DACH1: variants seen among roughly 807,000 people sequenced by gnomAD.
DACH1 encodes the protein dachshund family transcription factor 1.
A neutral mutation model predicts 54.2 loss-of-function variants in DACH1; 12 were observed. The observed-to-expected ratio is 0.22, with a 90% confidence interval of 0.14 to 0.36. The LOEUF (loss-of-function observed/expected upper bound fraction) is 0.36, where lower values mean the gene tolerates loss of function less well. Among genes scored for constraint, DACH1 ranks in the 10% least tolerant of loss-of-function variants. The probability of loss-of-function intolerance (pLI) is 1.00; values close to 1 mark genes in which losing one functional copy is unlikely to be tolerated. For missense variants in DACH1, 805 were observed against 929.8 expected, an observed-to-expected ratio of 0.87 and a Z score of 1.75; for synonymous variants, 386 against 366.2, an observed-to-expected ratio of 1.05 and a Z score of -0.62.
chr13:71,727,715 C>A (rs941036029), intron 1 of DACH1, among the ~76,000 whole-genome samples: 1 of 152,036 alleles, frequency 6.6e-6, no homozygotes, highest in Non-Finnish European at 1.5e-5. Flanking sequence ...AGACTGTTAG[C>A]ATTTCAGAAG....
Position 71,581,449 on chromosome 13 carries a change from C to T in DACH1, c.1127-8437G>A, listed in dbSNP as rs148497167. 7.1e-3 allele frequency among the ~76,000 whole-genome samples: 1,087 copies of T among 152,096 alleles called. 10 individuals are homozygous for T. The highest frequency in any genetic ancestry group is 0.02 in the African/African-American group (830 of 41,506). ...GCTAATTTTTGCATTTTAGTAGAGA[C>T]GGGCTTTCACAATGCCAGGCTGGTC... On this transcript the variant is annotated intron_variant, in intron 3 of 10. Coordinates refer to ENST00000613252, the MANE Select transcript of DACH1 (RefSeq NM_080759.6).
At chr13:71,491,915 A>G (rs1348925016) in intron 6 of DACH1, among the ~76,000 whole-genome samples, 1 of 152,208 alleles carries the variant, frequency 6.6e-6, no homozygotes, top group East Asian at 1.9e-4. Flanking sequence ...TTGACATCAC[A>G]TAATCTCCAC....
intron 1 of DACH1, among the ~76,000 whole-genome samples, chr13:71,683,406 G>GA (rs1227395832): frequency 1.3e-5 from 2 of 151,978 alleles, no homozygotes; most frequent in East Asian, 3.9e-4. Context: ...AAGAATAAAA[G>GA]AAAATTACAC....
chr13:71,864,180 T>TACACACACAC lies in DACH1; in HGVS notation c.848+1732_848+1741dup, dbSNP rs55651625. ...ATACTTTTGAGCGCGCGCGCGCACA[T>TACACACACAC]ACACACACACACACACACACACACA... On this transcript the variant is annotated intron_variant, in intron 1 of 10. Transcript: ENST00000613252. Among the ~76,000 whole-genome samples, 129 of 108,502 alleles carry TACACACACAC rather than the reference T, an allele frequency of 1.2e-3. 4 individuals are homozygous for TACACACACAC. The highest frequency in any genetic ancestry group is 4.5e-3 in the African/African-American group (125 of 27,838). 71.2% of individuals were successfully genotyped at this position (108,502 alleles called of 152,430 possible). A position where few individuals can be genotyped will look rare whatever the true frequency, so the allele number is the denominator to read the frequency against.
chr13:71,613,317 G>A (rs913705157), intron 3 of DACH1, among the ~76,000 whole-genome samples: 3 of 152,194 alleles, frequency 2.0e-5, no homozygotes, highest in African/African-American at 7.2e-5. Flanking sequence ...AATAACCCAA[G>A]AGTTTTGAGA....
At chr13:71,530,125 ATGAG>A (rs1368917097) in intron 6 of DACH1, among the ~76,000 whole-genome samples, 2 of 152,218 alleles carry the variant, frequency 1.3e-5, no homozygotes, top group Non-Finnish European at 2.9e-5. Flanking sequence ...AAAAGTATGA[ATGAG>A]TAACACAACA....
chr13:71,777,268 G>A (rs1261860900), intron 1 of DACH1, among the ~76,000 whole-genome samples: 1 of 152,010 alleles, frequency 6.6e-6, no homozygotes, highest in Non-Finnish European at 1.5e-5. Context: ...GCCTTAAAGA[G>A]ACAGGAACTT....
chr13:71,778,363 C>T (rs80126460), intron 1 of DACH1, among the ~76,000 whole-genome samples: 4 of 151,910 alleles, frequency 2.6e-5, no homozygotes, highest in African/African-American at 9.7e-5. Flanking sequence ...ATACATTTTA[C>T]TGATCTTTGT....
At chr13:71,679,458 A>T (rs1880765799) in intron 2 of DACH1, among the ~76,000 whole-genome samples, 1 of 152,190 alleles carries the variant, frequency 6.6e-6, no homozygotes, top group Admixed American at 6.5e-5. Flanking sequence ...AAATATGGGC[A>T]GACAAATCTT....
At chr13:71,798,392 T>A (rs303937) in intron 1 of DACH1, among the ~76,000 whole-genome samples, 72,202 of 140,240 alleles carry the variant, frequency 0.51, 20,002 homozygotes, top group East Asian at 0.87. Context: ...TTTCAAAAAC[T>A]CTTATGCAAA....
chr13:71,460,662 T>C (rs1384844807), intron 10 of DACH1, among the ~76,000 whole-genome samples: 2 of 152,072 alleles, frequency 1.3e-5, no homozygotes, highest in Non-Finnish European at 2.9e-5. Context: ...CTTCATTTGT[T>C]ATATTAGTGG....
intron 1 of DACH1, among the ~76,000 whole-genome samples, chr13:71,779,188 CGTATATACGTATATATGTGTAT>C (rs1886220909): frequency 8.1e-6 from 1 of 124,190 alleles, no homozygotes; most frequent in African/African-American, 3.3e-5. Flanking sequence ...CACATATATA[CGTATATACGTATATATGTGTAT>C]ATATATACGT....
chr13:71,489,247 G>A, intron 6 of DACH1, 99 bp from the exon 7 acceptor site: 2 of 1,336,070 alleles, frequency 1.5e-6, no homozygotes, highest in African/African-American at 2.9e-5. Flanking sequence ...AACATTTATT[G>A]CAAATTGGTT....
chr13:71,513,876 C>T (rs1880965032), intron 6 of DACH1, among the ~76,000 whole-genome samples: 1 of 152,036 alleles, frequency 6.6e-6, no homozygotes, highest in African/African-American at 2.4e-5. Context: ...ATGGCAAGTC[C>T]ATAGGCTGCC....
chr13:71,621,354 G>A (rs1213310181), intron 3 of DACH1, among the ~76,000 whole-genome samples: 1 of 151,940 alleles, frequency 6.6e-6, no homozygotes, highest in East Asian at 1.9e-4. Context: ...TCATAGAGAT[G>A]GAAATATTAT....
At chr13:71,651,868 T>C (rs1878712682) in intron 2 of DACH1, among the ~76,000 whole-genome samples, 1 of 152,164 alleles carries the variant, frequency 6.6e-6, no homozygotes, top group Non-Finnish European at 1.5e-5. Flanking sequence ...TATACAGATA[T>C]TCATGTGTTC....
intron 1 of DACH1, among the ~76,000 whole-genome samples, chr13:71,710,610 G>T (rs542792461): frequency 6.6e-6 from 1 of 151,972 alleles, no homozygotes; most frequent in Non-Finnish European, 1.5e-5. Flanking sequence ...TTAGATTTTT[G>T]AACTGCTTCT....
chr13:71,498,694 C>T (rs557414879), intron 6 of DACH1, among the ~76,000 whole-genome samples: 1 of 151,076 alleles, frequency 6.6e-6, no homozygotes, highest in Admixed American at 6.6e-5. Context: ...GAAACGGGCA[C>T]TGAATTTTGG....
At chr13:71,526,204 T>C (rs537802791) in intron 6 of DACH1, among the ~76,000 whole-genome samples, 1 of 152,290 alleles carries the variant, frequency 6.6e-6, no homozygotes, top group South Asian at 2.1e-4. Context: ...CTTTTAACGA[T>C]ACATAGAGTC....
Sources: allele counts gnomAD v4.1 joint callset (sites outside exome capture counted in the v4.1 genomes callset), GRCh38; gene constraint gnomAD v4.1.1; transcripts MANE v1.5; gene names NCBI Gene and HGNC (gene_info 2026-07-23, HGNC 2026-07-21).